GGT5: variants seen among roughly 807,000 people sequenced by gnomAD.
The protein encoded by GGT5 is glutathione hydrolase 5 proenzyme.
Under a neutral mutation model 58.1 loss-of-function variants are expected in GGT5, and 50 were observed. The observed-to-expected ratio is 0.86, with a 90% confidence interval of 0.69 to 1.09. GGT5 has a LOEUF of 1.09. Ranked by LOEUF, GGT5 falls within the 50% of genes least tolerant of loss-of-function variation. The pLI is 0.00. For missense variants in GGT5, 800 were observed against 789.4 expected (o/e 1.01, Z -0.16); for synonymous variants, 370 against 346.1 (o/e 1.07, Z -0.77).
chr22:24,226,680 T>C lies in GGT5; in HGVS notation c.989A>G (p.Lys330Arg), dbSNP rs2275984. ...GTCCCCCAGCCTCCACCTCTGCCCCTTGGCAAACTTGAGCGTCTCTACAAG... is the reference window on the plus strand; with the variant it reads ...GTCCCCCAGCCTCCACCTCTGCCCCCTGGCAAACTTGAGCGTCTCTACAAG... ...HHLVETLKFA[K>R]GQRWRLGDPR... The change falls in exon 7 of 12, where the codon AAG becomes AGG. Residue 330 changes from lysine (K) to arginine (R), a missense_variant. Coordinates refer to ENST00000327365, the MANE Select transcript of GGT5 (RefSeq NM_004121.5). 0.3 allele frequency: 485,017 copies of C among 1,612,992 alleles called. 73,868 individuals are homozygous for C. The highest frequency in any genetic ancestry group is 0.37 in the African/African-American group (27,564 of 74,884).
chr22:24,228,114 A>G (rs1045310477), intron 6 of GGT5, among the ~76,000 whole-genome samples: 1 of 149,858 alleles, frequency 6.7e-6, no homozygotes, highest in African/African-American at 2.4e-5. Context: ...GGGAAAGGCC[A>G]TGAAGACAGG....
chr22:24,233,585 C>T lies in GGT5; in HGVS notation c.313G>A (p.Glu105Lys), dbSNP rs1400847773. 2.5e-6 allele frequency: 4 copies of T among 1,605,646 alleles called. No individual in the cohort carries two copies. The highest frequency in any genetic ancestry group is 3.4e-5 in the Admixed American group (2 of 59,694). Residue 105 changes from glutamate (E) to lysine (K), a missense_variant, in exon 3 of 12, where the codon GAG (glutamate) becomes AAG (lysine). Physicochemically the swap from Glu to Lys is moderately conservative, Grantham distance 56. Coordinates refer to ENST00000327365, the MANE Select transcript of GGT5 (RefSeq NM_004121.5). ...TIYNVTTGKVEVINARETVPA... is the reference protein window; with the variant it reads ...TIYNVTTGKVKVINARETVPA... ...ACCGTCTCCCGGGCATTGATGACCT[C>T]CACCTTCCCTGGAGTAGGGCAGGGC... is the stretch of plus-strand genomic sequence containing the variant.
intron 5 of GGT5, 131 bp downstream of exon 5, chr22:24,231,920 G>A: frequency 2.7e-6 from 2 of 742,974 alleles, no homozygotes; most frequent in Non-Finnish European, 2.2e-6. Flanking sequence ...CTAGGTGCAT[G>A]GCCTCTCGGG....
rs758325782 is a variant in GGT5, at chr22:24,244,751, G to A, written c.-26C>T. ...GGCTCTGCAGCCCAGGAGGAGAGGG[G>A]CGGCTGGTGGGCAGACGGAGGGACG... On this transcript the variant is annotated 5_prime_UTR_variant, in exon 1 of 12. Transcript: ENST00000327365. 32 of 1,584,764 alleles carry A rather than the reference G, an allele frequency of 2.0e-5. No individual in the cohort carries two copies. The highest frequency in any genetic ancestry group is 2.6e-5 in the Non-Finnish European group (30 of 1,163,556).
intron 5 of GGT5, 90 bp downstream of exon 5, chr22:24,231,961 C>A: frequency 2.7e-6 from 3 of 1,113,146 alleles, no homozygotes; most frequent in Non-Finnish European, 1.3e-6. Context: ...TCCCTCAGGG[C>A]CTGGGAAGGA....
At chr22:24,242,909 G>A (rs2048364363) in intron 1 of GGT5, 1 of 152,280 alleles carries the variant, frequency 6.6e-6, no homozygotes, top group Non-Finnish European at 1.5e-5. Flanking sequence ...AGGAAGTGGA[G>A]AGAGTTGTTT....
At chr22:24,233,388 C>G in intron 3 of GGT5, 110 bp downstream of exon 3, 1 of 640,500 alleles carries the variant, frequency 1.6e-6, no homozygotes, top group Non-Finnish European at 2.7e-6. Flanking sequence ...CGTGTCCCCC[C>G]GTGCCAGGGA....
rs746504584 is a variant in GGT5, at chr22:24,232,104, A to T, written c.701T>A (p.Val234Asp). ...CTGGCCCAGCCTCCCCGTGTAGAAG[A>T]CCTCCACGCCCTCTGTGGCCACGGT... ...LETVATEGVE[V>D]FYTGRLGQML... The change falls in exon 5 of 12, where the codon GTC (valine) becomes GAC (aspartate). Residue 234 changes from valine to aspartate, a missense_variant. Coordinates refer to ENST00000327365, the MANE Select transcript of GGT5 (RefSeq NM_004121.5). 9 of 1,610,080 alleles carry T rather than the reference A, an allele frequency of 5.6e-6. No individual in the cohort carries two copies. The highest frequency in any genetic ancestry group is 3.3e-4 in the Middle Eastern group (2 of 6,048).
At position 24,231,362 on chromosome 22, in the gene GGT5, G is replaced by T. The variant is rs1266064771; in HGVS notation, c.901+22C>A. ...GGTGCGGGGGAGGGGGTGGGCGCCA[G>T]GGCTCTGGGCAGGGGCTTTACCTCT... On this transcript the variant is annotated intron_variant, in intron 6 of 11. Coordinates refer to ENST00000327365, the MANE Select transcript of GGT5 (RefSeq NM_004121.5). The T allele has an allele frequency of 9.2e-6, 14 of 1,523,110 alleles. No homozygotes were observed. In the African/African-American group the frequency reaches 1.1e-4, roughly 12 times the overall value. 94.3% of individuals were successfully genotyped at this position (1,523,110 alleles called of 1,614,324 possible).
At chr22:24,234,540 C>A (rs536226283) in intron 1 of GGT5, among the ~76,000 whole-genome samples, 3 of 152,202 alleles carry the variant, frequency 2.0e-5, no homozygotes, top group Non-Finnish European at 4.4e-5. Context: ...CTGGCCTAGG[C>A]TGGGTGTGGT....
Position 24,226,072 on chromosome 22 carries a change from G to C in GGT5, c.1229+4C>G. 1 of 1,576,196 alleles carries C rather than the reference G, an allele frequency of 6.3e-7. No individual in the cohort carries two copies. Among genetic ancestry groups the C allele is most frequent in the South Asian group, 1.1e-5 (1 of 86,982 alleles). On this transcript the variant is annotated splice_donor_region_variant and intron_variant, in intron 8 of 11. Transcript: ENST00000327365. ...CCATCCGCCTTCCCCCAGGCCCTAC[G>C]CACGGTGTGTTGATGGTGCTGGTGG...
At chr22:24,226,036 G>A (rs758823265) in intron 8 of GGT5, 40 bp downstream of exon 8, 1 of 1,409,114 alleles carries the variant, frequency 7.1e-7, no homozygotes. Context: ...TCTAGGAGAG[G>A]AGGAGTGAAG....
At chr22:24,233,669 A>G (rs1310480473) in intron 2 of GGT5, 76 bp from the exon 3 acceptor site, 1 of 923,862 alleles carries the variant, frequency 1.1e-6, no homozygotes, top group Non-Finnish European at 1.6e-6. Context: ...CTCAGTTTCC[A>G]TCTCTGCATT....
chr22:24,228,309 C>T (rs781157161), intron 6 of GGT5, among the ~76,000 whole-genome samples: 2 of 152,018 alleles, frequency 1.3e-5, no homozygotes, highest in Non-Finnish European at 2.9e-5. Context: ...AAAAACACAA[C>T]AGCTCACAAC....
At chr22:24,242,039 A>G (rs1462131228) in intron 1 of GGT5, 1 of 151,458 alleles carries the variant, frequency 6.6e-6, no homozygotes, top group East Asian at 2.0e-4. Flanking sequence ...CTGGTCTCCA[A>G]CTCCTGACCT....
At chr22:24,232,573 G>A (rs907315279) in intron 4 of GGT5, among the ~76,000 whole-genome samples, 1 of 152,024 alleles carries the variant, frequency 6.6e-6, no homozygotes. Context: ...GCCCCAGGGC[G>A]GGTGGCAGAG....
At chr22:24,224,015 G>A (rs902481987) in intron 11 of GGT5, among the ~76,000 whole-genome samples, 33 of 151,392 alleles carry the variant, frequency 2.2e-4, no homozygotes, top group African/African-American at 7.5e-4. Flanking sequence ...CACCCGCCTC[G>A]GCCTCCCAAA....
At chr22:24,221,712 A>AT (rs2047594767) in intron 11 of GGT5, among the ~76,000 whole-genome samples, 1 of 151,994 alleles carries the variant, frequency 6.6e-6, no homozygotes. Flanking sequence ...GGTTTTCGCC[A>AT]TGTTGGCCAG....
At chr22:24,244,461 T>TACATTCACTCACACACACACACACAC in intron 1 of GGT5, 92 bp downstream of exon 1, 1 of 1,081,746 alleles carries the variant, frequency 9.2e-7, no homozygotes. Context: ...CACCCACACA[T>TACATTCACTCACACACACACACACAC]ACATTCACTC....
Sources: gnomAD v4.1 joint callset for allele counts (sites outside exome capture counted in the v4.1 genomes callset) on GRCh38, gnomAD v4.1.1 for gene constraint, MANE v1.5 for transcripts, NCBI Gene and HGNC (gene_info 2026-07-23, HGNC 2026-07-21) for gene names.